The following EML5 variants were observed in gnomAD, a reference collection of about 807,000 sequenced individuals.
The protein encoded by EML5 is EMAP like 5, also known as echinoderm microtubule-associated protein-like 5.
EML5 carries 120 observed loss-of-function variants against 250.0 expected under a neutral mutation model. The observed-to-expected ratio is 0.48, with a 90% CI of 0.41 to 0.56. The LOEUF (loss-of-function observed/expected upper bound fraction) is 0.56. Ranked by LOEUF, EML5 falls within the 20% of genes least tolerant of loss-of-function variation. The pLI is 0.00. For synonymous variants in EML5, 771 were observed against 806.5 expected (o/e 0.96, Z 0.75); for missense variants, 2,006 against 2,437.6 (o/e 0.82, Z 3.73).
At chr14:88,656,179 A>G (rs1276128934) in intron 27 of EML5, among the ~76,000 whole-genome samples, 1 of 152,134 alleles carries the variant, frequency 6.6e-6, no homozygotes, top group African/African-American at 2.4e-5. Flanking sequence ...TATATTTATT[A>G]CAGCACTGTT....
At chr14:88,750,802 T>C (rs768024821) in intron 2 of EML5, among the ~76,000 whole-genome samples, 2 of 152,204 alleles carry the variant, frequency 1.3e-5, no homozygotes, top group Non-Finnish European at 1.5e-5. Context: ...TGAGAGTATT[T>C]ACTATTTGGG....
At chr14:88,724,114 C>CAAA (rs5810422) in intron 8 of EML5, among the ~76,000 whole-genome samples, 99 of 145,300 alleles carry the variant, frequency 6.8e-4, no homozygotes, top group Admixed American at 1.5e-3. Context: ...ACTAAAAATA[C>CAAA]AAAAAAAAAA....
chr14:88,711,848 G>C (rs1244867455), intron 10 of EML5, among the ~76,000 whole-genome samples: 1 of 151,976 alleles, frequency 6.6e-6, no homozygotes, highest in African/African-American at 2.4e-5. Context: ...GGGAAGCTGA[G>C]GCAGGAGGGT....
At chr14:88,619,976 T>C (rs1403349921) in intron 39 of EML5, 2 of 152,266 alleles carry the variant, frequency 1.3e-5, no homozygotes, top group Non-Finnish European at 2.9e-5. Flanking sequence ...GAAGAACTTA[T>C]TTAAAAGACA....
In EML5 at chr14:88,644,443, C is replaced by T; in HGVS notation, c.4097G>A (p.Arg1366Lys). ...GTGAGTTTTCCTTACCTCTATAGGT[C>T]TCTTTTTCTTGCCTACATTGTTTGT... is the stretch of plus-strand genomic sequence containing the variant. Reference protein sequence around the residue: ...LQTNNVGKKKRPIEDLVLELI... With the variant: ...LQTNNVGKKKKPIEDLVLELI... Residue 1366 changes from arginine to lysine, a missense_variant, in exon 30 of 44, where the codon AGA (arginine) becomes AAA (lysine). Physicochemically the swap from Arg to Lys is conservative, Grantham distance 26. Coordinates refer to ENST00000554922, the MANE Select transcript of EML5 (RefSeq NM_183387.3). 1 of 1,613,746 alleles carries T rather than the reference C, an allele frequency of 6.2e-7. No individual in the cohort carries two copies. The highest frequency in any genetic ancestry group is 8.5e-7 in the Non-Finnish European group (1 of 1,179,738).
At chr14:88,690,842 G>A (rs972510574) in intron 17 of EML5, among the ~76,000 whole-genome samples, 1 of 152,290 alleles carries the variant, frequency 6.6e-6, no homozygotes, top group South Asian at 2.1e-4. Flanking sequence ...TGGAAGAACT[G>A]GCCTTTATTA....
intron 1 of EML5, among the ~76,000 whole-genome samples, chr14:88,791,635 T>G (rs2094609192): frequency 6.6e-6 from 1 of 152,208 alleles, no homozygotes; most frequent in Admixed American, 6.5e-5. Context: ...GTAGCTTATT[T>G]AGGAGTATTT....
chr14:88,780,565 T>C (rs1027477350), intron 1 of EML5, among the ~76,000 whole-genome samples: 2 of 151,142 alleles, frequency 1.3e-5, no homozygotes, highest in Non-Finnish European at 3.0e-5. Flanking sequence ...TTGATGTTTA[T>C]AAAAAATCTT....
At chr14:88,731,287 T>G (rs2093753608) in intron 7 of EML5, among the ~76,000 whole-genome samples, 1 of 137,232 alleles carries the variant, frequency 7.3e-6, no homozygotes. Context: ...TTCTCATTTT[T>G]CAATTCCCAC....
chr14:88,727,423 C>T (rs1005597532), intron 7 of EML5, among the ~76,000 whole-genome samples: 11 of 127,552 alleles, frequency 8.6e-5, no homozygotes, highest in African/African-American at 3.2e-4. Context: ...TTTTTTGAGA[C>T]GGAGTTTCGT....
rs148966428 is a variant in EML5, at chr14:88,646,113, T to C, written c.4028+834A>G. Among the ~76,000 whole-genome samples, 231 of 152,232 alleles carry C rather than the reference T, an allele frequency of 1.5e-3. 1 individual carries two copies. Among genetic ancestry groups the C allele is most frequent in the African/African-American group, 5.1e-3 (213 of 41,536 alleles). On this transcript the variant is annotated intron_variant, in intron 29 of 43. Coordinates refer to ENST00000554922, the MANE Select transcript of EML5 (RefSeq NM_183387.3). Reference sequence around the variant, plus strand: ...AATTTGTAACACCTAAATCAGGAAATAATACAAATTAACCTTCCCATATAA... The same window carrying C: ...AATTTGTAACACCTAAATCAGGAAACAATACAAATTAACCTTCCCATATAA...
rs1398197491 is a variant in EML5 at position 88,663,123 on chromosome 14, C to CA, written c.3410-5dup. 2.0e-6 allele frequency: 3 copies of CA among 1,528,878 alleles called. No homozygotes were observed. The highest frequency in any genetic ancestry group is 2.1e-5 in the Admixed American group (1 of 47,134). 94.7% of individuals were successfully genotyped at this position (1,528,878 alleles called of 1,614,324 possible). On this transcript the variant is annotated splice_polypyrimidine_tract_variant and splice_region_variant and intron_variant, in intron 23 of 43. Coordinates refer to ENST00000554922, the MANE Select transcript of EML5 (RefSeq NM_183387.3). ...GTGTTGACCTGTAAAAGCTTTCCTT[C>CA]AAAAAAATTTTTAAAAATATTTACA...
chr14:88,688,488 A>G lies in EML5; in HGVS notation c.2540-15T>C, dbSNP rs776113932. The G allele has an allele frequency of 3.7e-6, 6 of 1,611,810 alleles. No homozygotes were observed. In the South Asian group the frequency reaches 6.6e-5, roughly 18 times the overall value. On this transcript the variant is annotated splice_polypyrimidine_tract_variant and intron_variant, in intron 17 of 43. Transcript: ENST00000554922. ...CAATCCTCCCCCTAGTTCACAAAAA[A>G]TATTATGAAAGTACCACTTTCAAAA...
intron 33 of EML5, among the ~76,000 whole-genome samples, chr14:88,628,612 A>G (rs1346011854): frequency 6.6e-6 from 1 of 152,122 alleles, no homozygotes. Flanking sequence ...TGAAGCAATA[A>G]AAATACTAAA....
chr14:88,740,517 G>A lies in EML5; in HGVS notation c.581C>T (p.Thr194Met), dbSNP rs139652502. The change falls in exon 5 of 44, where the codon ACG becomes ATG. Residue 194 changes from threonine to methionine, a missense_variant. Thr to Met is a moderately conservative substitution (Grantham distance 81). This residue lies in a region of EML5 where 1,375 missense variants were observed against 1,590.3 expected (regional missense o/e 0.86). Coordinates refer to ENST00000554922, the MANE Select transcript of EML5 (RefSeq NM_183387.3). Reference sequence around the variant, plus strand: ...GCACAGTATTGTCTGAAGGTCACCCGTCTTACCAAAGACACCTCGTTTTGG... The same window carrying A: ...GCACAGTATTGTCTGAAGGTCACCCATCTTACCAAAGACACCTCGTTTTGG... ...LTPKRGVFGK[T>M]GDLQTILCLA... 19,661 of 1,613,334 alleles carry A rather than the reference G, an allele frequency of 0.012. 162 individuals carry two copies. The highest frequency in any genetic ancestry group is 0.014 in the Non-Finnish European group (16,723 of 1,179,586).
At position 88,685,050 on chromosome 14, in the gene EML5, C is replaced by T; in HGVS notation, c.2947G>A (p.Val983Met). 1 of 1,610,578 alleles carries T rather than the reference C, an allele frequency of 6.2e-7. No individual in the cohort carries two copies. Among genetic ancestry groups the T allele is most frequent in the Non-Finnish European group, 8.5e-7 (1 of 1,178,330 alleles). The change falls in exon 20 of 44, where the codon GTG becomes ATG. Residue 983 changes from valine (V) to methionine (M), a missense_variant. By Grantham distance (21) the Val-to-Met change is conservative. Around this residue, in one of 7 missense-constraint regions of EML5, gnomAD observed 1,375 missense variants for 1,590.3 expected, o/e 0.86. Coordinates refer to ENST00000554922, the MANE Select transcript of EML5 (RefSeq NM_183387.3). ...VGTKNGEILE[V>M]DKSGPITLLV... is the part of the protein sequence containing the mutation. ...AGTGTTATTGGGCCACTTTTATCCACTTCTAGTATTTCACCATTCTTTGTG... is the reference window on the plus strand; with the variant it reads ...AGTGTTATTGGGCCACTTTTATCCATTTCTAGTATTTCACCATTCTTTGTG...
chr14:88,712,301 T>C lies in EML5; in HGVS notation c.1627A>G (p.Lys543Glu). The C allele has an allele frequency of 6.2e-7, 1 of 1,610,986 alleles. No homozygotes were observed. Among genetic ancestry groups the C allele is most frequent in the Non-Finnish European group, 8.5e-7 (1 of 1,178,322 alleles). ...LVTADDYGII[K>E]LFRYPCLRKG... Reference sequence around the variant, plus strand: ...CTTAAACATGGATATCGGAATAATTTTATAATTCCATAGTCATCAGCTGTA... The same window carrying C: ...CTTAAACATGGATATCGGAATAATTCTATAATTCCATAGTCATCAGCTGTA... The change falls in exon 10 of 44, where the codon AAA becomes GAA. Residue 543 changes from lysine (K) to glutamate (E), a missense_variant. Physicochemically the swap from Lys to Glu is moderately conservative, Grantham distance 56. Around this residue, in one of 7 missense-constraint regions of EML5, gnomAD observed 1,375 missense variants for 1,590.3 expected, o/e 0.86. Transcript: ENST00000554922.
intron 10 of EML5, among the ~76,000 whole-genome samples, chr14:88,707,465 C>T (rs776236451): frequency 2.1e-4 from 32 of 151,908 alleles, no homozygotes; most frequent in Admixed American, 7.2e-4. Flanking sequence ...ATCTCCTCCT[C>T]CTGGTATGTG....
intron 8 of EML5, among the ~76,000 whole-genome samples, chr14:88,716,452 C>T (rs1464238714): frequency 6.6e-6 from 1 of 152,102 alleles, no homozygotes; most frequent in East Asian, 1.9e-4. Flanking sequence ...GCCCTTTGCT[C>T]CATATCCATC....
Sources: gnomAD v4.1 joint callset for allele counts (sites outside exome capture counted in the v4.1 genomes callset) on GRCh38, gnomAD v4.1.1 for gene constraint, gnomAD v4.1.1 regional missense constraint, MANE v1.5 for transcripts, NCBI Gene and HGNC (gene_info 2026-07-23, HGNC 2026-07-21) for gene names.